The following CALN1 variants were observed in gnomAD, a reference collection of about 807,000 sequenced individuals.
CALN1 encodes the protein calneuron 1, also known as calcium-binding protein 8.
Under a neutral mutation model 30.6 loss-of-function variants are expected in CALN1, and 17 were observed. The observed-to-expected ratio is 0.56, with a 90% CI of 0.38 to 0.83. CALN1 has a LOEUF of 0.83. Ranked by LOEUF, CALN1 falls within the 40% of genes least tolerant of loss-of-function variation. The pLI, the probability that CALN1 is intolerant of heterozygous loss-of-function variation, is 0.00. For missense variants in CALN1, 291 were observed against 354.9 expected, an observed-to-expected ratio of 0.82 and a Z score of 1.45; for synonymous variants, 156 against 131.4, an observed-to-expected ratio of 1.19 and a Z score of -1.28.
At chr7:72,298,434 C>T (rs1433464240) in intron 2 of CALN1, among the ~76,000 whole-genome samples, 1 of 152,196 alleles carries the variant, frequency 6.6e-6, no homozygotes, top group African/African-American at 2.4e-5. Flanking sequence ...TCTGTCCAAT[C>T]TGATGAACTC....
At chr7:72,042,712 G>A (rs1033909315) in intron 4 of CALN1, among the ~76,000 whole-genome samples, 4 of 152,048 alleles carry the variant, frequency 2.6e-5, no homozygotes, top group African/African-American at 9.7e-5. Context: ...CTCCAGCCTG[G>A]GCACCAGAGT....
At chr7:72,314,610 G>C (rs1156404933) in intron 2 of CALN1, among the ~76,000 whole-genome samples, 1 of 151,280 alleles carries the variant, frequency 6.6e-6, no homozygotes. Context: ...AGTAGAGACA[G>C]GGTTTCACCA....
At chr7:72,187,400 C>A (rs1335672118) in intron 3 of CALN1, among the ~76,000 whole-genome samples, 1 of 152,108 alleles carries the variant, frequency 6.6e-6, no homozygotes, top group Non-Finnish European at 1.5e-5. Flanking sequence ...AGGTCCACAG[C>A]CTGTTAGGAA....
chr7:71,855,486 G>A (rs1387206254), intron 5 of CALN1, among the ~76,000 whole-genome samples: 1 of 152,128 alleles, frequency 6.6e-6, no homozygotes, highest in African/African-American at 2.4e-5. Context: ...GGCCATAAAT[G>A]TCACCATCCC....
Position 71,934,907 on chromosome 7 carries a change from A to G in CALN1, c.501+88750T>C, listed in dbSNP as rs186323487. ...GTGCAGGAGAACTCCTGTTTATAAA[A>G]CCATCAGATCTTGTAGCACTTATTC... On this transcript the variant is annotated intron_variant, in intron 5 of 6. Coordinates refer to ENST00000395275, the MANE Select transcript of CALN1 (RefSeq NM_031468.4). Among the ~76,000 whole-genome samples, 30 of 152,208 alleles carry G rather than the reference A, an allele frequency of 2.0e-4. No homozygotes were observed. In the East Asian group the frequency reaches 5.8e-3, roughly 29 times the overall value.
intron 1 of CALN1, among the ~76,000 whole-genome samples, chr7:72,411,240 G>C (rs914580265): frequency 2.6e-5 from 4 of 152,036 alleles, no homozygotes; most frequent in African/African-American, 9.7e-5. Context: ...TGTATTTCAA[G>C]TTAATGGCTT....
chr7:72,150,024 G>A (rs116375088), intron 3 of CALN1, among the ~76,000 whole-genome samples: 3,930 of 151,858 alleles, frequency 0.026, 180 homozygotes, highest in African/African-American at 0.09. Context: ...TCAGGAGGCT[G>A]AGGGCAGGAG....
intron 4 of CALN1, among the ~76,000 whole-genome samples, chr7:72,080,032 A>C (rs932605920): frequency 1.3e-5 from 2 of 151,932 alleles, no homozygotes; most frequent in Admixed American, 1.3e-4. Flanking sequence ...CGGCCTCCCG[A>C]AGTGCTGGGA....
intron 2 of CALN1, among the ~76,000 whole-genome samples, chr7:72,306,874 GGC>G (rs1799691159): frequency 1.3e-5 from 2 of 152,072 alleles, no homozygotes; most frequent in Admixed American, 6.6e-5. Context: ...ACTCCTATTT[GGC>G]TCAGAATAAA....
At chr7:72,366,272 C>G (rs1415205229) in intron 2 of CALN1, among the ~76,000 whole-genome samples, 3 of 152,066 alleles carry the variant, frequency 2.0e-5, no homozygotes, top group Non-Finnish European at 2.9e-5. Context: ...CTCCCAGGTT[C>G]AAGTGATTCT....
Position 71,912,090 on chromosome 7 carries a change from C to T in CALN1, c.502-101598G>A, listed in dbSNP as rs144631556. Among the ~76,000 whole-genome samples the T allele has an allele frequency of 1.8e-3, 268 of 152,206 alleles. 1 individual carries two copies. Among genetic ancestry groups the T allele is most frequent in the African/African-American group, 6.2e-3 (256 of 41,550 alleles). On this transcript the variant is annotated intron_variant, in intron 5 of 6. Transcript: ENST00000395275. ...CTCAATCCTAAGATCTGGACCTCTTCAATCCAGGACTAACTAAGTAGGACT... is the reference window on the plus strand; with the variant it reads ...CTCAATCCTAAGATCTGGACCTCTTTAATCCAGGACTAACTAAGTAGGACT...
chr7:72,281,633 C>T (rs1324262809), intron 2 of CALN1, among the ~76,000 whole-genome samples: 1 of 152,180 alleles, frequency 6.6e-6, no homozygotes, highest in South Asian at 2.1e-4. Flanking sequence ...CTGCTCTGTT[C>T]TTATCTAATT....
chr7:72,298,389 G>C (rs796542002), intron 2 of CALN1, among the ~76,000 whole-genome samples: 10 of 152,288 alleles, frequency 6.6e-5, no homozygotes, highest in African/African-American at 2.4e-4. Context: ...ATTTTAAATT[G>C]TCTTTTGGAA....
chr7:72,417,124 C>T (rs1008622407), upstream of CALN1, among the ~76,000 whole-genome samples: 34 of 152,192 alleles, frequency 2.2e-4, no homozygotes, highest in Admixed American at 2.0e-3. Flanking sequence ...CGGTCCCAGC[C>T]GTGATCTGGA....
chr7:72,237,460 G>A lies in CALN1; in HGVS notation c.244+41226C>T, dbSNP rs112733726. 5.0e-3 allele frequency among the ~76,000 whole-genome samples: 758 copies of A among 152,312 alleles called. 4 individuals carry two copies. Among genetic ancestry groups the A allele is most frequent in the African/African-American group, 0.017 (717 of 41,570 alleles). ...GAGAGACGACAGGGCCAAAGAAGTA[G>A]ACTGCACCTGTCACTGAGCAGAGGA... On this transcript the variant is annotated intron_variant, in intron 3 of 6. Coordinates refer to ENST00000395275, the MANE Select transcript of CALN1 (RefSeq NM_031468.4).
intron 5 of CALN1, among the ~76,000 whole-genome samples, chr7:71,915,380 T>C (rs1280301333): frequency 6.6e-6 from 1 of 152,230 alleles, no homozygotes; most frequent in African/African-American, 2.4e-5. Context: ...CATCAGGCTC[T>C]GAAACCAAAT....
At chr7:72,070,063 C>T (rs560754006) in intron 4 of CALN1, among the ~76,000 whole-genome samples, 1 of 152,290 alleles carries the variant, frequency 6.6e-6, no homozygotes, top group Admixed American at 6.5e-5. Context: ...TCCCTCTAGC[C>T]TTGATCCATC....
At chr7:72,092,890 G>A (rs911164221) in intron 4 of CALN1, among the ~76,000 whole-genome samples, 1 of 152,098 alleles carries the variant, frequency 6.6e-6, no homozygotes, top group Admixed American at 6.6e-5. Context: ...AGACGGGCTG[G>A]AGTCTCTTTC....
At chr7:72,406,374 T>C (rs1310037243) in intron 1 of CALN1, among the ~76,000 whole-genome samples, 3 of 152,186 alleles carry the variant, frequency 2.0e-5, no homozygotes. Flanking sequence ...CTTATGCATC[T>C]TGGGACCCAA....
Sources: allele counts gnomAD v4.1 joint callset (sites outside exome capture counted in the v4.1 genomes callset), GRCh38; gene constraint gnomAD v4.1.1; transcripts MANE v1.5; gene names NCBI Gene and HGNC (gene_info 2026-07-23, HGNC 2026-07-21).